Variants in TMPRSS15 observed in about 807,000 individuals in gnomAD.
TMPRSS15 encodes enteropeptidase.
In TMPRSS15, 128 loss-of-function variants were observed where a neutral mutation model predicts 125.3. The ratio of observed to expected loss-of-function variants is 1.02; its 90% CI spans 0.89 to 1.18. The LOEUF is 1.18. Ranked by LOEUF, TMPRSS15 falls within the 50% of genes most tolerant of loss-of-function variation. The pLI is 0.00. For missense variants in TMPRSS15, 1,283 were observed against 1,212.7 expected (o/e 1.06, Z -0.86); for synonymous variants, 446 against 423.2 (o/e 1.05, Z -0.66).
intron 15 of TMPRSS15, among the ~76,000 whole-genome samples, chr21:18,327,584 C>G (rs1385571836): frequency 2.0e-5 from 3 of 152,130 alleles, no homozygotes; most frequent in Non-Finnish European, 4.4e-5. Context: ...CACACTGTCC[C>G]TTGATGTGCT....
intron 10 of TMPRSS15, among the ~76,000 whole-genome samples, chr21:18,346,171 G>C (rs976860080): frequency 6.6e-6 from 1 of 151,976 alleles, no homozygotes; most frequent in Non-Finnish European, 1.5e-5. Context: ...ATGAATAAAA[G>C]CCTTCATAAA....
chr21:18,388,223 A>T (rs1476436901), intron 3 of TMPRSS15, among the ~76,000 whole-genome samples: 2 of 152,200 alleles, frequency 1.3e-5, no homozygotes. Flanking sequence ...GATGAAGTAC[A>T]TTATTTGACA....
At chr21:18,343,822 T>C (rs917295700) in intron 11 of TMPRSS15, 133 bp downstream of exon 11, 56 of 1,146,370 alleles carry the variant, frequency 4.9e-5, no homozygotes, top group Non-Finnish European at 6.9e-5. Context: ...TTATTGCTTA[T>C]CAGTTGGGAA....
At chr21:18,407,309 A>T (rs1018660973), upstream of TMPRSS15, among the ~76,000 whole-genome samples, 5 of 152,114 alleles carry the variant, frequency 3.3e-5, no homozygotes, top group Non-Finnish European at 5.9e-5. Flanking sequence ...CTGCATTTTT[A>T]AAAAAATAGA....
At chr21:18,272,040 A>G (rs1384690549) in intron 24 of TMPRSS15, among the ~76,000 whole-genome samples, 3 of 152,212 alleles carry the variant, frequency 2.0e-5, no homozygotes, top group Non-Finnish European at 4.4e-5. Flanking sequence ...TGCAATAAAT[A>G]CACGTGTGCA....
intron 3 of TMPRSS15, among the ~76,000 whole-genome samples, chr21:18,396,508 C>G (rs922436534): frequency 6.6e-6 from 1 of 152,110 alleles, no homozygotes; most frequent in Non-Finnish European, 1.5e-5. Context: ...GGCGCTGTGG[C>G]TCATGCCTGT....
At position 18,477,932 on chromosome 21, in the gene TMPRSS15, G is replaced by C. The variant is rs185418682; in HGVS notation, c.10+7867C>G. Among the ~76,000 whole-genome samples, 8 of 152,108 alleles carry C rather than the reference G, an allele frequency of 5.3e-5. No homozygotes were observed. The East Asian group carries it at 1.4e-3, about 26-fold the overall frequency. On this transcript the variant is annotated intron_variant, in intron 1 of 7. Coordinates refer to the TMPRSS15 transcript ENST00000422787. The stretch of plus-strand genomic sequence containing the variant: ...TGGTTATCACCCACAATTAGGAAAG[G>C]TTCCTTAATCCCAAGAGTGAAGGGA...
chr21:18,283,144 C>T (rs996994315), intron 21 of TMPRSS15, among the ~76,000 whole-genome samples: 10 of 152,066 alleles, frequency 6.6e-5, no homozygotes, highest in African/African-American at 2.4e-4. Flanking sequence ...CAGACAGCAC[C>T]CCACTTCCAC....
chr21:18,332,349 T>G (rs1344612867), intron 13 of TMPRSS15, among the ~76,000 whole-genome samples, 176 bp from the exon 14 acceptor site: 1 of 152,156 alleles, frequency 6.6e-6, no homozygotes, highest in Non-Finnish European at 1.5e-5. Context: ...TACAGTTAAG[T>G]AGATAAGAGC....
chr21:18,286,027 C>A (rs1023240360), intron 21 of TMPRSS15, among the ~76,000 whole-genome samples: 1 of 152,148 alleles, frequency 6.6e-6, no homozygotes, highest in African/African-American at 2.4e-5. Context: ...GTAAGTACAG[C>A]AAACCAGAAA....
intron 16 of TMPRSS15, among the ~76,000 whole-genome samples, chr21:18,318,552 T>C (rs146035302): frequency 1.4e-4 from 21 of 152,350 alleles, no homozygotes; most frequent in Non-Finnish European, 2.5e-4. Context: ...CCAAGGTCTG[T>C]GCCTGAGTTG....
At position 18,394,067 on chromosome 21, in the gene TMPRSS15, A is replaced by AG. The variant is rs367618901; in HGVS notation, c.344+3811_344+3812insC. On this transcript the variant is annotated intron_variant, in intron 3 of 24. Coordinates refer to ENST00000284885, the MANE Select transcript of TMPRSS15 (RefSeq NM_002772.3). ...TTAACTCTATGTTGACAGGATAAAA[A>AG]TATTTGCTTCAGTTTTCCAGTATCT... 3.3e-5 allele frequency among the ~76,000 whole-genome samples: 5 copies of AG among 152,268 alleles called. No individual in the cohort carries two copies. In the East Asian group the frequency reaches 7.7e-4, roughly 24 times the overall value.
At chr21:18,297,698 T>C (rs762309586) in intron 19 of TMPRSS15, 36 bp downstream of exon 19, 1 of 1,487,398 alleles carries the variant, frequency 6.7e-7, no homozygotes, top group Non-Finnish European at 9.4e-7. Context: ...GCCATGTCTA[T>C]GTACAACTAG....
chr21:18,273,468 G>A (rs551626102), intron 24 of TMPRSS15, among the ~76,000 whole-genome samples: 25 of 152,244 alleles, frequency 1.6e-4, no homozygotes, highest in African/African-American at 5.8e-4. Context: ...ATTATACAAG[G>A]TATTACCTTA....
chr21:18,360,327 T>C (rs2075668133), intron 7 of TMPRSS15, among the ~76,000 whole-genome samples: 1 of 152,142 alleles, frequency 6.6e-6, no homozygotes, highest in Non-Finnish European at 1.5e-5. Context: ...CTTTGTTCAA[T>C]CATCGGATTA....
At chr21:18,484,719 T>C (rs977029523) in intron 1 of TMPRSS15, among the ~76,000 whole-genome samples, 6 of 151,854 alleles carry the variant, frequency 4.0e-5, no homozygotes, top group Non-Finnish European at 8.8e-5. Flanking sequence ...ATAAATAAGG[T>C]GATTATATAT....
chr21:18,386,681 T>TA (rs1329994670), intron 3 of TMPRSS15, among the ~76,000 whole-genome samples: 1 of 152,212 alleles, frequency 6.6e-6, no homozygotes, highest in African/African-American at 2.4e-5. Flanking sequence ...TGATTGTGGT[T>TA]AAAATGAAGT....
At chr21:18,390,612 T>C (rs1601428367) in intron 3 of TMPRSS15, among the ~76,000 whole-genome samples, 1 of 152,252 alleles carries the variant, frequency 6.6e-6, no homozygotes, top group Admixed American at 6.5e-5. Flanking sequence ...AATTGTACTT[T>C]AAATGTAGAT....
At chr21:18,304,455 G>T (rs1368120993) in intron 18 of TMPRSS15, among the ~76,000 whole-genome samples, 1 of 152,126 alleles carries the variant, frequency 6.6e-6, no homozygotes, top group Non-Finnish European at 1.5e-5. Flanking sequence ...TCTCACTCCA[G>T]CCAGGGTCCT....
Sources: allele counts gnomAD v4.1 joint callset (sites outside exome capture counted in the v4.1 genomes callset), GRCh38; gene constraint gnomAD v4.1.1; transcripts MANE v1.5; gene names NCBI Gene and HGNC (gene_info 2026-07-23, HGNC 2026-07-21).